Variants in KCND2 observed in about 807,000 individuals in gnomAD.
The protein encoded by KCND2 is A-type voltage-gated potassium channel KCND2.
KCND2 carries 16 observed loss-of-function variants against 54.4 expected under a neutral mutation model. That is an observed-to-expected ratio of 0.29 (90% confidence interval 0.20 to 0.45). KCND2 has a LOEUF of 0.45. Among genes scored for constraint, KCND2 ranks in the 20% least tolerant of loss-of-function variants. The probability of loss-of-function intolerance (pLI) is 1.00; values close to 1 mark genes in which losing one functional copy is unlikely to be tolerated. For synonymous variants in KCND2, 317 were observed against 310.7 expected, an observed-to-expected ratio of 1.02 and a Z score of -0.21; for missense variants, 486 against 824.2, an observed-to-expected ratio of 0.59 and a Z score of 5.02.
chr7:120,718,735 T>C (rs1269651017), intron 1 of KCND2, among the ~76,000 whole-genome samples: 1 of 152,050 alleles, frequency 6.6e-6, no homozygotes, highest in African/African-American at 2.4e-5. Flanking sequence ...GAGAAAGAGA[T>C]TCACTTAGGC....
chr7:120,590,141 C>T (rs980026049), intron 1 of KCND2, among the ~76,000 whole-genome samples: 1 of 152,178 alleles, frequency 6.6e-6, no homozygotes, highest in East Asian at 1.9e-4. Flanking sequence ...GCCTCAGCCT[C>T]TCGAGTGGCT....
At chr7:120,479,896 G>A (rs1234895749) in intron 1 of KCND2, among the ~76,000 whole-genome samples, 1 of 149,122 alleles carries the variant, frequency 6.7e-6, no homozygotes, top group Non-Finnish European at 1.5e-5. Flanking sequence ...GAACCTAGGA[G>A]GCCGAGGCTG....
intron 1 of KCND2, among the ~76,000 whole-genome samples, chr7:120,701,854 C>T (rs773423192): frequency 3.9e-5 from 6 of 151,932 alleles, no homozygotes; most frequent in African/African-American, 7.3e-5. Flanking sequence ...CTCTCAAAAC[C>T]CTGGAAGACA....
At chr7:120,713,663 C>T (rs929774088) in intron 1 of KCND2, among the ~76,000 whole-genome samples, 2 of 152,094 alleles carry the variant, frequency 1.3e-5, no homozygotes, top group African/African-American at 2.4e-5. Context: ...CACGTAAAAC[C>T]GCCACTCAAA....
intron 1 of KCND2, among the ~76,000 whole-genome samples, chr7:120,605,523 G>A (rs1366882238): frequency 1.3e-5 from 2 of 152,034 alleles, no homozygotes; most frequent in African/African-American, 4.8e-5. Flanking sequence ...TTCTGCTTTT[G>A]ACATTCATGT....
intron 1 of KCND2, among the ~76,000 whole-genome samples, chr7:120,646,366 A>G (rs995972002): frequency 6.6e-5 from 10 of 151,564 alleles, no homozygotes; most frequent in African/African-American, 2.4e-4. Context: ...ATTTGTTTCA[A>G]CTCCTTGATG....
At chr7:120,420,430 G>A (rs1042504839) in intron 1 of KCND2, among the ~76,000 whole-genome samples, 1 of 152,134 alleles carries the variant, frequency 6.6e-6, no homozygotes, top group Non-Finnish European at 1.5e-5. Flanking sequence ...ATGATAATAG[G>A]TCTTGATAGA....
chr7:120,645,823 G>C (rs1214639455), intron 1 of KCND2, among the ~76,000 whole-genome samples: 2 of 152,166 alleles, frequency 1.3e-5, no homozygotes, highest in South Asian at 2.1e-4. Flanking sequence ...TGTGACAAAT[G>C]GCATCCTAAT....
At chr7:120,491,356 G>A (rs17142775) in intron 1 of KCND2, among the ~76,000 whole-genome samples, 11,210 of 152,122 alleles carry the variant, frequency 0.074, 1,319 homozygotes, top group African/African-American at 0.25. Flanking sequence ...TTGTTCCTAC[G>A]AAAATAGTGG....
At chr7:120,575,752 C>T (rs552579629) in intron 1 of KCND2, among the ~76,000 whole-genome samples, 61 of 152,118 alleles carry the variant, frequency 4.0e-4, no homozygotes, top group African/African-American at 1.4e-3. Context: ...CTTATTTAGC[C>T]CTGAATGTCT....
At chr7:120,512,801 CTT>C (rs796237031) in intron 1 of KCND2, among the ~76,000 whole-genome samples, 42 of 137,304 alleles carry the variant, frequency 3.1e-4, no homozygotes, top group Non-Finnish European at 2.2e-4. Flanking sequence ...TTTCTTTTTT[CTT>C]TTTTTTTTTT....
At chr7:120,408,678 C>A (rs185228776) in intron 1 of KCND2, among the ~76,000 whole-genome samples, 1 of 151,886 alleles carries the variant, frequency 6.6e-6, no homozygotes, top group African/African-American at 2.4e-5. Flanking sequence ...CCCCTGCCCC[C>A]CAACAGACAC....
chr7:120,359,218 C>G (rs758606782), intron 1 of KCND2, among the ~76,000 whole-genome samples: 3 of 152,104 alleles, frequency 2.0e-5, no homozygotes, highest in Non-Finnish European at 2.9e-5. Flanking sequence ...AGATTTTGTG[C>G]TCTGTGCACA....
intron 1 of KCND2, among the ~76,000 whole-genome samples, chr7:120,687,179 G>A (rs532658544): frequency 7.2e-5 from 11 of 152,146 alleles, no homozygotes; most frequent in South Asian, 2.1e-4. Flanking sequence ...ATGATTCCAC[G>A]TTCTTCTTCT....
intron 1 of KCND2, among the ~76,000 whole-genome samples, chr7:120,469,292 G>A (rs888513207): frequency 6.6e-6 from 1 of 152,112 alleles, no homozygotes; most frequent in African/African-American, 2.4e-5. Flanking sequence ...TTATAAAGAT[G>A]TGTATTTGAA....
At chr7:120,506,733 G>A (rs1803026849) in intron 1 of KCND2, among the ~76,000 whole-genome samples, 2 of 151,898 alleles carry the variant, frequency 1.3e-5, no homozygotes, top group South Asian at 4.1e-4. Flanking sequence ...ATAGAATCTA[G>A]TTTTCATATA....
chr7:120,470,331 T>C (rs1334078724), intron 1 of KCND2, among the ~76,000 whole-genome samples: 1 of 152,146 alleles, frequency 6.6e-6, no homozygotes, highest in East Asian at 1.9e-4. Flanking sequence ...CAACTAGCAA[T>C]GTCCATAAGT....
At chr7:120,583,580 G>A (rs760434505) in intron 1 of KCND2, among the ~76,000 whole-genome samples, 2 of 152,120 alleles carry the variant, frequency 1.3e-5, no homozygotes, top group Admixed American at 6.5e-5. Flanking sequence ...TATAGATGGC[G>A]GTCTTCTCCC....
intron 1 of KCND2, among the ~76,000 whole-genome samples, chr7:120,382,288 G>A (rs1257083734): frequency 6.6e-6 from 1 of 151,796 alleles, no homozygotes; most frequent in Non-Finnish European, 1.5e-5. Flanking sequence ...AATAGGACAC[G>A]TAAGAGCACA....
Sources: gnomAD v4.1 joint callset for allele counts (sites outside exome capture counted in the v4.1 genomes callset) on GRCh38, gnomAD v4.1.1 for gene constraint, MANE v1.5 for transcripts, NCBI Gene and HGNC (gene_info 2026-07-23, HGNC 2026-07-21) for gene names.